Variants in RFXANK observed in about 807,000 individuals in gnomAD.
RFXANK encodes regulatory factor X associated ankyrin containing protein.
In RFXANK, 19 loss-of-function variants were observed where a neutral mutation model predicts 34.5. That is an observed-to-expected ratio of 0.55 (90% CI 0.38 to 0.81). The LOEUF (loss-of-function observed/expected upper bound fraction) is 0.81. Ranked by LOEUF, RFXANK falls within the 30% of genes least tolerant of loss-of-function variation. The pLI, the probability that RFXANK is intolerant of heterozygous loss-of-function variation, is 0.00. For missense variants in RFXANK, 295 were observed against 343.5 expected (o/e 0.86, Z 1.12); for synonymous variants, 154 against 149.8 (o/e 1.03, Z -0.20).
chr19:19,198,042 G>A, intron 6 of RFXANK, 65 bp from the exon 7 acceptor site: 3 of 1,592,312 alleles, frequency 1.9e-6, no homozygotes, highest in Non-Finnish European at 2.6e-6. Context: ...CGGCTGCTGT[G>A]GGTACCCCAG....
intron 9 of RFXANK, among the ~76,000 whole-genome samples, chr19:19,199,924 C>T (rs1409620154): frequency 2.0e-5 from 3 of 152,140 alleles, no homozygotes; most frequent in South Asian, 2.1e-4. Flanking sequence ...GAAATATCCC[C>T]CTCCTTCCTT....
Position 19,197,618 on chromosome 19 carries a change from G to C in RFXANK, c.435G>C (p.Glu145Asp). The C allele has an allele frequency of 1.2e-6, 2 of 1,613,556 alleles. No individual in the cohort carries two copies. Among genetic ancestry groups the C allele is most frequent in the Non-Finnish European group, 1.7e-6 (2 of 1,179,888 alleles). ...TTGAGACCGTTCGCTTCCTGCTGGA[G>C]TGGGTGCGTCCCAGCCCAGCTGGGC... ...GEIETVRFLL[E>D]WGADPHILAK... The change falls in exon 6 of 10, where the codon GAG (glutamate) becomes GAC (aspartate). Residue 145 changes from glutamate to aspartate, a missense_variant. Transcript: ENST00000303088.
At chr19:19,197,093 G>A in intron 4 of RFXANK, 47 bp downstream of exon 4, 1 of 1,611,640 alleles carries the variant, frequency 6.2e-7, no homozygotes, top group South Asian at 1.1e-5. Flanking sequence ...AGGAGGGTGG[G>A]AGGGCCTGTG....
chr19:19,198,306 T>A (rs60973674), intron 7 of RFXANK, 74 bp downstream of exon 7: 2 of 1,596,112 alleles, frequency 1.3e-6, no homozygotes, highest in Non-Finnish European at 1.7e-6. Flanking sequence ...CACAGAGTAC[T>A]TGAAAGGTGC....
chr19:19,197,500 T>C, intron 5 of RFXANK, 21 bp from the exon 6 acceptor site: 3 of 1,611,582 alleles, frequency 1.9e-6, no homozygotes, highest in Non-Finnish European at 2.5e-6. Context: ...CCTGGTGGTA[T>C]TGCCCGCCTC....
At chr19:19,194,261 T>C (rs1163528247) in intron 3 of RFXANK, 128 bp downstream of exon 3, 1 of 1,016,008 alleles carries the variant, frequency 9.8e-7, no homozygotes, top group East Asian at 2.6e-5. Context: ...AGATGGAGTT[T>C]TGCTCTTGTT....
intron 8 of RFXANK, chr19:19,198,942 C>T: frequency 1.3e-6 from 1 of 746,202 alleles, no homozygotes; most frequent in Non-Finnish European, 2.4e-6. Flanking sequence ...CTAAGCACCT[C>T]CATCCTCCAT....
intron 9 of RFXANK, chr19:19,201,334 T>C: frequency 1.2e-6 from 1 of 828,384 alleles, no homozygotes; most frequent in East Asian, 2.7e-5. Flanking sequence ...CCACTGGACC[T>C]CCCAAAGTGC....
intron 5 of RFXANK, 99 bp from the exon 6 acceptor site, chr19:19,197,422 C>T (rs1020929507): frequency 7.6e-7 from 1 of 1,311,764 alleles, no homozygotes; most frequent in Non-Finnish European, 1.1e-6. Context: ...CCCTCATTCC[C>T]CTGTCTAACC....
Position 19,192,518 on chromosome 19 carries a change from C to A in RFXANK, c.-186C>A. The A allele has an allele frequency of 4.5e-6, 1 of 220,794 alleles. No homozygotes were observed. The highest frequency in any genetic ancestry group is 9.1e-6 in the Non-Finnish European group (1 of 109,366). 13.7% of individuals were successfully genotyped at this position (220,794 alleles called of 1,614,324 possible). On this transcript the variant is annotated 5_prime_UTR_variant, in exon 1 of 10. Coordinates refer to ENST00000303088, the MANE Select transcript of RFXANK (RefSeq NM_003721.4). ...GCCCTTGCTTATAAGCCTTTGAGAC[C>A]GCAGAAGGGACCTTGTTGTGGAACG...
chr19:19,197,085 G>C, intron 4 of RFXANK, 39 bp downstream of exon 4: 1 of 1,612,244 alleles, frequency 6.2e-7, no homozygotes, highest in Non-Finnish European at 8.5e-7. Flanking sequence ...AGAGGAGTAG[G>C]AGGGTGGGAG....
At chr19:19,195,858 T>C (rs2060591462) in intron 3 of RFXANK, among the ~76,000 whole-genome samples, 2 of 149,240 alleles carry the variant, frequency 1.3e-5, no homozygotes, top group Admixed American at 6.8e-5. Context: ...TTCTCCTGCC[T>C]CAGCCTCCCG....
intron 8 of RFXANK, 151 bp from the exon 9 acceptor site, chr19:19,199,003 G>A: frequency 1.2e-6 from 1 of 810,606 alleles, no homozygotes; most frequent in South Asian, 1.4e-5. Context: ...AGATAGCAGA[G>A]GTTGGACCCT....
rs2060724114 is a variant in RFXANK at position 19,201,780 on chromosome 19, A to C, written c.*61A>C. 6.2e-7 allele frequency: 1 copy of C among 1,613,372 alleles called. No individual in the cohort carries two copies. The highest frequency in any genetic ancestry group is 1.3e-5 in the African/African-American group (1 of 74,946). ...AAAATGGTCAGCCAGAGCTGGGGAAACCCAGAACTGACTTCAAAGGCAGCT... is the reference window on the plus strand; with the variant it reads ...AAAATGGTCAGCCAGAGCTGGGGAACCCCAGAACTGACTTCAAAGGCAGCT... On this transcript the variant is annotated 3_prime_UTR_variant, in exon 10 of 10. Transcript: ENST00000303088.
At position 19,192,456 on chromosome 19, in the gene RFXANK, G is replaced by GTGA; in HGVS notation, c.-248_-247insTGA. 2 of 391,230 alleles carry GTGA rather than the reference G, an allele frequency of 5.1e-6. No homozygotes were observed. The highest frequency in any genetic ancestry group is 9.4e-6 in the Non-Finnish European group (2 of 213,248). The allele number at this position is 391,230 out of a possible 1,614,324, so 24.2% of individuals were successfully genotyped here. A position where few individuals can be genotyped will look rare whatever the true frequency, so the allele number is the denominator to read the frequency against. ...GGAGTCCTCCACGCATTACCCACTC[G>GTGA]GGCCGCAAAAACTCCCTTCTTTAGC... is the stretch of plus-strand genomic sequence containing the variant. On this transcript the variant is annotated 5_prime_UTR_variant, in exon 1 of 10. Transcript: ENST00000303088.
At chr19:19,192,582 C>T (rs1947941940) in intron 1 of RFXANK, 28 bp downstream of exon 1, 2 of 165,334 alleles carry the variant, frequency 1.2e-5, no homozygotes, top group African/African-American at 4.8e-5. Flanking sequence ...GTTCCAGACG[C>T]CCCGCGTACT....
In RFXANK at chr19:19,197,511, C is replaced by T. The variant is rs1401784482; in HGVS notation, c.338-10C>T. The T allele has an allele frequency of 2.5e-6, 4 of 1,613,380 alleles. No homozygotes were observed. In the Admixed American group the frequency reaches 5.0e-5, roughly 20 times the overall value. ...GCAGCCTGGTGGTATTGCCCGCCTC[C>T]TCCTGCCAGGTGACAACCTCGTCAA... is the stretch of plus-strand genomic sequence containing the variant. On this transcript the variant is annotated splice_polypyrimidine_tract_variant and intron_variant, in intron 5 of 9. Coordinates refer to ENST00000303088, the MANE Select transcript of RFXANK (RefSeq NM_003721.4).
intron 9 of RFXANK, among the ~76,000 whole-genome samples, chr19:19,200,159 T>C (rs1034995166): frequency 1.3e-5 from 2 of 149,838 alleles, no homozygotes; most frequent in African/African-American, 4.9e-5. Flanking sequence ...CATGCCTGGC[T>C]AATTTTTTGT....
At chr19:19,194,869 C>T (rs926913673) in intron 3 of RFXANK, among the ~76,000 whole-genome samples, 1 of 151,996 alleles carries the variant, frequency 6.6e-6, no homozygotes, top group Non-Finnish European at 1.5e-5. Context: ...AGATGGTCAT[C>T]CTGTTTTACT....
Sources: gnomAD v4.1 joint callset for allele counts (sites outside exome capture counted in the v4.1 genomes callset) on GRCh38, gnomAD v4.1.1 for gene constraint, MANE v1.5 for transcripts, NCBI Gene and HGNC (gene_info 2026-07-23, HGNC 2026-07-21) for gene names.